The following HTT variants were observed in gnomAD, a reference collection of about 807,000 sequenced individuals.
HTT encodes huntington disease protein.
Under a neutral mutation model 362.3 loss-of-function variants are expected in HTT, and 104 were observed. The observed-to-expected ratio is 0.29, with a 90% CI of 0.24 to 0.34. The LOEUF (loss-of-function observed/expected upper bound fraction) is 0.34, where lower values mean the gene tolerates loss of function less well. Ranked by LOEUF, HTT falls within the 10% of genes least tolerant of loss-of-function variation. HTT has a pLI of 1.00. For missense variants in HTT, 3,301 were observed against 3,928.6 expected (o/e 0.84, Z 4.27); for synonymous variants, 1,577 against 1,548.7 (o/e 1.02, Z -0.43).
At chr4:3,184,452 G>A (rs549991989) in intron 37 of HTT, among the ~76,000 whole-genome samples, 1 of 152,230 alleles carries the variant, frequency 6.6e-6, no homozygotes, top group East Asian at 1.9e-4. Flanking sequence ...AGCCTTGAGG[G>A]GGAGGTGAGG....
At chr4:3,238,753 C>CCCCCCCCCCCCG in intron 65 of HTT, 65 bp from the exon 66 acceptor site, 1 of 1,216,180 alleles carries the variant, frequency 8.2e-7, no homozygotes, top group Non-Finnish European at 1.1e-6. Flanking sequence ...CCCCGCCACC[C>CCCCCCCCCCCCG]AGGCGCAGCA....
intron 5 of HTT, among the ~76,000 whole-genome samples, chr4:3,106,930 TCTC>T (rs1302806876): frequency 6.6e-6 from 1 of 152,216 alleles, no homozygotes; most frequent in Admixed American, 6.5e-5. Flanking sequence ...ATTTTATAAT[TCTC>T]CTTTTTCAGG....
intron 2 of HTT, among the ~76,000 whole-genome samples, chr4:3,098,744 A>G (rs994815992): frequency 6.6e-6 from 1 of 152,240 alleles, no homozygotes; most frequent in Admixed American, 6.5e-5. Context: ...ATATGGTTAT[A>G]CTTTGGCCCA....
At chr4:3,127,753 C>T (rs1715590906) in intron 12 of HTT, 149 bp downstream of exon 12, 3 of 628,902 alleles carry the variant, frequency 4.8e-6, no homozygotes, top group Middle Eastern at 4.3e-4. Context: ...CACTTGAGGT[C>T]AGGAGTTCGA....
At chr4:3,144,942 C>T (rs893721885) in intron 23 of HTT, among the ~76,000 whole-genome samples, 4 of 152,122 alleles carry the variant, frequency 2.6e-5, no homozygotes, top group African/African-American at 9.7e-5. Context: ...AACCTCTCTT[C>T]ATTGGGATAT....
rs568215873 is a variant in HTT, at chr4:3,190,086, G to A, written c.5368+993G>A. Reference sequence around the variant, plus strand: ...GGGCCAATCACAGTGGCTTATGCCTGTAATCCCAACACTTTGGGAGGTCAA... The same window carrying A: ...GGGCCAATCACAGTGGCTTATGCCTATAATCCCAACACTTTGGGAGGTCAA... On this transcript the variant is annotated intron_variant, in intron 40 of 66. Coordinates refer to ENST00000355072, the MANE Select transcript of HTT (RefSeq NM_001388492.1). Among the ~76,000 whole-genome samples the A allele has an allele frequency of 3.9e-5, 6 of 152,296 alleles. No individual in the cohort carries two copies. The East Asian group carries it at 9.7e-4, about 25-fold the overall frequency.
At chr4:3,231,155 A>T (rs927155551) in intron 60 of HTT, among the ~76,000 whole-genome samples, 4 of 152,158 alleles carry the variant, frequency 2.6e-5, no homozygotes, top group African/African-American at 9.7e-5. Context: ...TTACCTAGTA[A>T]TCCATTTTAT....
At chr4:3,174,342 A>T (rs904880895) in intron 31 of HTT, among the ~76,000 whole-genome samples, 2 of 152,208 alleles carry the variant, frequency 1.3e-5, no homozygotes, top group Non-Finnish European at 2.9e-5. Context: ...TAAATATTTT[A>T]AAGGCTTGTC....
intron 1 of HTT, among the ~76,000 whole-genome samples, chr4:3,076,836 T>C (rs906306993): frequency 3.3e-5 from 5 of 152,256 alleles, no homozygotes; most frequent in Admixed American, 3.3e-4. Flanking sequence ...ACAAAGGAGA[T>C]AGATTTTGTT....
chr4:3,107,509 T>A (rs1714493035), intron 6 of HTT, 86 bp downstream of exon 6: 2 of 1,349,854 alleles, frequency 1.5e-6, no homozygotes, highest in Middle Eastern at 1.8e-4. Context: ...CAGGGAGTCC[T>A]GTGGGAGTGC....
rs770543485 is a variant in HTT, at chr4:3,235,681, A to C, written c.8688A>C (p.Ala2896=). The C allele has an allele frequency of 6.8e-6, 11 of 1,613,674 alleles. No homozygotes were observed. Among genetic ancestry groups the C allele is most frequent in the Non-Finnish European group, 9.3e-6 (11 of 1,180,032 alleles). The change falls in exon 63 of 67, where the codon GCA becomes GCC. Residue 2896 remains alanine, a synonymous_variant. Transcript: ENST00000355072. ...LLSEQLSRLD[A]ESLVKLSVDR... ...CTGAGCAGCTCTCCCGCCTGGATGC[A>C]GAATCGCTGGTCAAGCTGAGTGTGG...
At chr4:3,188,806 C>A in intron 39 of HTT, 145 bp from the exon 40 acceptor site, 1 of 722,988 alleles carries the variant, frequency 1.4e-6, no homozygotes, top group Non-Finnish European at 2.3e-6. Flanking sequence ...TCCACGGCGA[C>A]GGCGCTCTGC....
Position 3,074,935 on chromosome 4 carries a change from A to AGCCGCC in HTT, c.110_111insGCCGCC (p.Gln37_Gln38insProPro), listed in dbSNP as rs765098132. ...CAGCAGCAGCAGCAGCAGCAGCAGCAACAGCCGCCACCGCCGCCGCCGCCG... is the reference window on the plus strand; with the variant it reads ...CAGCAGCAGCAGCAGCAGCAGCAGCAGCCGCCACAGCCGCCACCGCCGCCGCCGCCG... On this transcript the variant is annotated inframe_insertion, in exon 1 of 67. Transcript: ENST00000355072. The AGCCGCC allele has an allele frequency of 1.0e-4, 130 of 1,247,994 alleles. 2 individuals carry two copies. The highest frequency in any genetic ancestry group is 2.7e-4 in the Middle Eastern group (1 of 3,762). The allele number at this position is 1,247,994 out of a possible 1,614,324, so 77.3% of individuals were successfully genotyped here. A position where few individuals can be genotyped will look rare whatever the true frequency, so the allele number is the denominator to read the frequency against.
At chr4:3,115,844 T>C (rs1714995148) in intron 7 of HTT, among the ~76,000 whole-genome samples, 1 of 152,198 alleles carries the variant, frequency 6.6e-6, no homozygotes, top group Non-Finnish European at 1.5e-5. Context: ...GAAGCGAGCA[T>C]GTGGACGTGC....
At chr4:3,159,424 C>T (rs905654718) in intron 28 of HTT, among the ~76,000 whole-genome samples, 2 of 152,222 alleles carry the variant, frequency 1.3e-5, no homozygotes, top group African/African-American at 4.8e-5. Flanking sequence ...ACCCTTTCTT[C>T]CCTGGGCTCT....
chr4:3,105,975 A>G (rs143598443), intron 5 of HTT, among the ~76,000 whole-genome samples: 103 of 152,344 alleles, frequency 6.8e-4, no homozygotes, highest in Non-Finnish European at 9.7e-4. Context: ...CTTAACCAGC[A>G]ATACATGCTG....
chr4:3,145,294 G>C, intron 24 of HTT, 66 bp downstream of exon 24: 2 of 1,110,560 alleles, frequency 1.8e-6, no homozygotes, highest in South Asian at 2.6e-5. Context: ...ATAGTTATTA[G>C]GATGCCCTTT....
At position 3,240,141 on chromosome 4, in the gene HTT, G is replaced by A. The variant is rs917009961; in HGVS notation, c.*82G>A. ...TGCGCCCTTGTGCCCTGCCTCCACC[G>A]AGCCAGCTTGGTCCCTATGGGCTTC... On this transcript the variant is annotated 3_prime_UTR_variant, in exon 67 of 67. Transcript: ENST00000355072. The A allele has an allele frequency of 1.5e-5, 19 of 1,228,056 alleles. No individual in the cohort carries two copies. Among genetic ancestry groups the A allele is most frequent in the Admixed American group, 1.0e-4 (5 of 48,984 alleles). 76.1% of individuals were successfully genotyped at this position (1,228,056 alleles called of 1,614,324 possible).
chr4:3,241,645 A>T lies in HTT; in HGVS notation c.*1586A>T. 1 of 152,442 alleles carries T rather than the reference A, an allele frequency of 6.6e-6. No individual in the cohort carries two copies. The highest frequency in any genetic ancestry group is 1.5e-5 in the Non-Finnish European group (1 of 68,094). The allele number at this position is 152,442 out of a possible 1,614,324, so 9.4% of individuals were successfully genotyped here. ...TGGAGGAAATGTTGGAACTCTGTGC[A>T]GGTGCTGCCTTGAGACCCCCAAGCT... On this transcript the variant is annotated 3_prime_UTR_variant, in exon 67 of 67. Coordinates refer to ENST00000355072, the MANE Select transcript of HTT (RefSeq NM_001388492.1).
Sources: allele counts gnomAD v4.1 joint callset (sites outside exome capture counted in the v4.1 genomes callset), GRCh38; gene constraint gnomAD v4.1.1; transcripts MANE v1.5; gene names NCBI Gene and HGNC (gene_info 2026-07-23, HGNC 2026-07-21).